Variants in IL1RAPL2 observed in about 807,000 individuals in gnomAD.
The protein encoded by IL1RAPL2 is interleukin 1 receptor accessory protein like 2.
IL1RAPL2 carries 3 observed loss-of-function variants against 44.1 expected under a neutral mutation model. That is an observed-to-expected ratio of 0.07 (90% CI 0.03 to 0.18). The LOEUF (loss-of-function observed/expected upper bound fraction) is 0.18, where lower values mean the gene tolerates loss of function less well. Among genes scored for constraint, IL1RAPL2 ranks in the 10% least tolerant of loss-of-function variants. IL1RAPL2 has a pLI of 1.00. For synonymous variants in IL1RAPL2, 181 were observed against 178.8 expected (o/e 1.01, Z -0.10); for missense variants, 391 against 496.4 (o/e 0.79, Z 2.02).
At chrX:105,005,592 G>A (rs1480210633) in intron 2 of IL1RAPL2, among the ~76,000 whole-genome samples, 1 of 110,167 alleles carries the variant, frequency 9.1e-6, no homozygotes, top group Non-Finnish European at 1.9e-5. Flanking sequence ...ATTTCTTCTT[G>A]TATGTACCTC....
chrX:105,519,835 C>T (rs1012406459), intron 6 of IL1RAPL2, among the ~76,000 whole-genome samples: 3 of 111,309 alleles, frequency 2.7e-5, no homozygotes, highest in Admixed American at 9.5e-5. Context: ...ATTTGTTTAA[C>T]TCTATTTAAC....
At chrX:104,767,662 C>A (rs773001698) in intron 2 of IL1RAPL2, among the ~76,000 whole-genome samples, 2 of 111,788 alleles carry the variant, frequency 1.8e-5, no homozygotes, top group Non-Finnish European at 3.8e-5. Context: ...ATTTGAAAAC[C>A]ATTTTGTAAG....
chrX:105,189,616 A>T (rs782804188), intron 2 of IL1RAPL2, among the ~76,000 whole-genome samples: 7 of 112,294 alleles, frequency 6.2e-5, no homozygotes, highest in Admixed American at 1.9e-4. Flanking sequence ...TATGGGTCAG[A>T]TAAAGTTTTC....
intron 2 of IL1RAPL2, among the ~76,000 whole-genome samples, chrX:104,904,641 T>A (rs1294199019): frequency 1.8e-5 from 2 of 110,371 alleles, no homozygotes; most frequent in Non-Finnish European, 3.8e-5. Flanking sequence ...CTCATCCTTT[T>A]TTATGGCTGC....
chrX:105,629,599 G>GTTTCAATT (rs1343668039), intron 6 of IL1RAPL2, among the ~76,000 whole-genome samples: 1 of 111,011 alleles, frequency 9.0e-6, no homozygotes, highest in Non-Finnish European at 1.9e-5. Context: ...ATTTGATATG[G>GTTTCAATT]TTTCAATTTT....
At chrX:104,644,266 G>C (rs1347295039) in intron 1 of IL1RAPL2, among the ~76,000 whole-genome samples, 7 of 111,353 alleles carry the variant, frequency 6.3e-5, no homozygotes, top group Non-Finnish European at 1.3e-4. Flanking sequence ...CCAGAAATTT[G>C]AATCAGTGAA....
chrX:104,881,219 A>T (rs1923061887), intron 2 of IL1RAPL2, among the ~76,000 whole-genome samples: 1 of 111,207 alleles, frequency 9.0e-6, no homozygotes, highest in African/African-American at 3.3e-5. Context: ...GAATATTTTA[A>T]ACACATAAAA....
chrX:104,953,068 G>GA (rs1556020286), intron 2 of IL1RAPL2, among the ~76,000 whole-genome samples: 1 of 108,827 alleles, frequency 9.2e-6, no homozygotes, highest in East Asian at 2.9e-4. Flanking sequence ...CAAAAGGAAA[G>GA]TTTTTTTTTT....
intron 1 of IL1RAPL2, among the ~76,000 whole-genome samples, chrX:104,601,726 C>T (rs752194807): frequency 2.7e-5 from 3 of 111,830 alleles, no homozygotes; most frequent in Non-Finnish European, 5.6e-5. Flanking sequence ...TATTAAGCCA[C>T]ATTATGAAAA....
chrX:104,761,917 CCTTCTCCTTCTTCTTCTTCTTCTT>C (rs1932454052), intron 2 of IL1RAPL2, among the ~76,000 whole-genome samples: 10 of 30,833 alleles, frequency 3.2e-4, no homozygotes, highest in East Asian at 3.2e-3. Context: ...TTCTCCTTCT[CCTTCTCCTTCTTCTTCTTCTTCTT>C]CTTCTTCTTC....
intron 2 of IL1RAPL2, among the ~76,000 whole-genome samples, chrX:105,193,557 T>G (rs1556138527): frequency 8.9e-6 from 1 of 111,785 alleles, no homozygotes; most frequent in Non-Finnish European, 1.9e-5. Flanking sequence ...GATCCAGAGG[T>G]GTATCACTAG....
chrX:105,031,919 C>A lies in IL1RAPL2; in HGVS notation c.83-163556C>A, dbSNP rs770509430. On this transcript the variant is annotated intron_variant, in intron 2 of 10. Transcript: ENST00000372582. ...CAATTTCGGAGCCTGTTATTGGTCT[C>A]TTCAGAGATTCAACTTCTTCCTGGT... Among the ~76,000 whole-genome samples, 21 of 111,598 alleles carry A rather than the reference C, an allele frequency of 1.9e-4. No homozygotes were observed. The East Asian group carries it at 2.8e-3, about 15-fold the overall frequency.
intron 2 of IL1RAPL2, among the ~76,000 whole-genome samples, chrX:104,956,964 T>G (rs2029913543): frequency 8.9e-6 from 1 of 112,277 alleles, no homozygotes; most frequent in Admixed American, 9.4e-5. Context: ...GGGGCTCCTA[T>G]GCTGCTGGAT....
chrX:105,521,697 A>T (rs1025174612), intron 6 of IL1RAPL2, among the ~76,000 whole-genome samples: 4 of 111,955 alleles, frequency 3.6e-5, no homozygotes, highest in African/African-American at 1.3e-4. Context: ...TTTCCCTTCC[A>T]CCATGATTGT....
intron 2 of IL1RAPL2, among the ~76,000 whole-genome samples, chrX:104,839,691 A>AATT (rs1424166300): frequency 9.0e-6 from 1 of 111,663 alleles, no homozygotes; most frequent in Non-Finnish European, 1.9e-5. Context: ...CGTCTGGTAG[A>AATT]ATTCAACTGT....
intron 2 of IL1RAPL2, among the ~76,000 whole-genome samples, chrX:104,804,660 G>A (rs1350296987): frequency 8.9e-6 from 1 of 112,252 alleles, no homozygotes; most frequent in East Asian, 2.8e-4. Context: ...AGGAGACAGT[G>A]AACAAACTTT....
chrX:104,926,895 C>T (rs965308116), intron 2 of IL1RAPL2, among the ~76,000 whole-genome samples: 12 of 111,660 alleles, frequency 1.1e-4, no homozygotes, highest in African/African-American at 2.9e-4. Context: ...ATTTGTATAT[C>T]TGTGTCTTTA....
chrX:104,711,135 A>T (rs1266712623), intron 2 of IL1RAPL2, among the ~76,000 whole-genome samples: 1 of 111,311 alleles, frequency 9.0e-6, no homozygotes, highest in Non-Finnish European at 1.9e-5. Flanking sequence ...TTGTGTTACA[A>T]TTGCCTACAA....
chrX:104,773,666 C>G (rs1194431552), intron 2 of IL1RAPL2, among the ~76,000 whole-genome samples: 1 of 111,776 alleles, frequency 8.9e-6, no homozygotes, highest in Non-Finnish European at 1.9e-5. Flanking sequence ...GTGCTGTTGT[C>G]AATAAACTTG....
Sources: gnomAD v4.1 joint callset for allele counts (sites outside exome capture counted in the v4.1 genomes callset) on GRCh38, gnomAD v4.1.1 for gene constraint, MANE v1.5 for transcripts, NCBI Gene and HGNC (gene_info 2026-07-23, HGNC 2026-07-21) for gene names.